Variants in PCDHA10 observed in about 807,000 individuals in gnomAD.
PCDHA10 encodes protocadherin alpha-10.
PCDHA10 carries 45 observed loss-of-function variants against 61.2 expected under a neutral mutation model. That is an observed-to-expected ratio of 0.74 (90% CI 0.58 to 0.94). The LOEUF (loss-of-function observed/expected upper bound fraction) is 0.94, where lower values mean the gene tolerates loss of function less well. PCDHA10 is among the 40% of genes least tolerant of loss of function. The probability of loss-of-function intolerance (pLI) is 0.00; values close to 1 mark genes in which losing one functional copy is unlikely to be tolerated. For missense variants in PCDHA10, 1,278 were observed against 1,236.2 expected (o/e 1.03, Z -0.51); for synonymous variants, 602 against 548.8 (o/e 1.10, Z -1.35).
chr5:140,938,698 T>C (rs1430283682), intron 1 of PCDHA10, among the ~76,000 whole-genome samples: 1 of 152,194 alleles, frequency 6.6e-6, no homozygotes, highest in East Asian at 1.9e-4. Context: ...TTTTTAAATA[T>C]ATGTTTATGA....
intron 1 of PCDHA10, among the ~76,000 whole-genome samples, chr5:140,913,111 T>C (rs2076211610): frequency 6.6e-6 from 1 of 152,194 alleles, no homozygotes; most frequent in Non-Finnish European, 1.5e-5. Context: ...TAGAATCAGT[T>C]TGGAAGTTAA....
At chr5:140,941,375 G>A (rs1441847516) in intron 1 of PCDHA10, among the ~76,000 whole-genome samples, 1 of 134,938 alleles carries the variant, frequency 7.4e-6, no homozygotes, top group Non-Finnish European at 1.5e-5. Context: ...GGAGTGTAGT[G>A]ACAGGATTTT....
chr5:140,935,157 A>G (rs982054485), intron 1 of PCDHA10, among the ~76,000 whole-genome samples: 1 of 152,214 alleles, frequency 6.6e-6, no homozygotes, highest in Non-Finnish European at 1.5e-5. Context: ...TATAATCTCA[A>G]CAACAGGTGT....
At chr5:140,884,169 C>A in intron 1 of PCDHA10, 2 of 1,613,426 alleles carry the variant, frequency 1.2e-6, no homozygotes, top group South Asian at 1.1e-5. Flanking sequence ...ATCAGCACGA[C>A]GCGCCCTCTG....
At chr5:140,893,763 TG>T (rs1554185760) in intron 1 of PCDHA10, among the ~76,000 whole-genome samples, 1 of 152,156 alleles carries the variant, frequency 6.6e-6, no homozygotes, top group African/African-American at 2.4e-5. Flanking sequence ...ATAGGTGACT[TG>T]TCACTTTTCT....
intron 1 of PCDHA10, chr5:140,967,672 C>T: frequency 1.2e-6 from 2 of 1,614,182 alleles, no homozygotes; most frequent in Non-Finnish European, 8.5e-7. Context: ...ACACGTCGGA[C>T]CGGGAGAGGC....
chr5:140,883,946 G>C lies in PCDHA10; in HGVS notation c.2388+25510G>C, dbSNP rs139225969. ...GCAGGTGTTCGTGCTGGACGAGAACGACAACGCTCCGGCGCTGCTGACGCC... is the reference window on the plus strand; with the variant it reads ...GCAGGTGTTCGTGCTGGACGAGAACCACAACGCTCCGGCGCTGCTGACGCC... On this transcript the variant is annotated intron_variant, in intron 1 of 3. Coordinates refer to ENST00000307360, the MANE Select transcript of PCDHA10 (RefSeq NM_018901.4). The C allele has an allele frequency of 4.8e-5, 77 of 1,613,392 alleles. No individual in the cohort carries two copies. In the African/African-American group the frequency reaches 8.8e-4, roughly 18 times the overall value.
In PCDHA10 at chr5:140,919,966, A is replaced by G. The variant is rs1472155046; in HGVS notation, c.2389-58983A>G. Among the ~76,000 whole-genome samples, 3 of 139,590 alleles carry G rather than the reference A, an allele frequency of 2.1e-5. No homozygotes were observed. The East Asian group carries it at 7.1e-4, about 33-fold the overall frequency. The allele number at this position is 139,590 out of a possible 152,430, so 91.6% of individuals were successfully genotyped here. On this transcript the variant is annotated intron_variant, in intron 1 of 3. Transcript: ENST00000307360. ...GTGAAAAGTTTGTTTTGTTTTTTAA[A>G]TAAGAGATAGAAGATGGAAAACAGA...
chr5:140,940,434 T>A (rs155816), intron 1 of PCDHA10, among the ~76,000 whole-genome samples: 48,246 of 152,056 alleles, frequency 0.32, 7,999 homozygotes, highest in East Asian at 0.53. Flanking sequence ...TGATCAAGTC[T>A]GCCATGATAT....
At position 140,946,316 on chromosome 5, in the gene PCDHA10, G is replaced by C. The variant is rs1293160526; in HGVS notation, c.2389-32633G>C. ...CACACCTGGTAGAATGGCTATTATTGAAAGAGGAAAGATAACAAGTGATGG... is the reference window on the plus strand; with the variant it reads ...CACACCTGGTAGAATGGCTATTATTCAAAGAGGAAAGATAACAAGTGATGG... On this transcript the variant is annotated intron_variant, in intron 1 of 3. Transcript: ENST00000307360. Among the ~76,000 whole-genome samples, 3 of 151,662 alleles carry C rather than the reference G, an allele frequency of 2.0e-5. No individual in the cohort carries two copies. In the East Asian group the frequency reaches 5.8e-4, roughly 29 times the overall value.
intron 1 of PCDHA10, among the ~76,000 whole-genome samples, chr5:140,903,475 A>C (rs1186809574): frequency 6.6e-6 from 1 of 152,220 alleles, no homozygotes; most frequent in African/African-American, 2.4e-5. Flanking sequence ...TATTCCTTGC[A>C]TTATAGTTCT....
chr5:140,995,674 A>G (rs1205485736), intron 3 of PCDHA10, among the ~76,000 whole-genome samples: 2 of 151,994 alleles, frequency 1.3e-5, no homozygotes, highest in East Asian at 3.9e-4. Flanking sequence ...TAAATGCAGC[A>G]TTTTTTTTAA....
At chr5:140,959,611 C>T (rs2095501064) in intron 1 of PCDHA10, among the ~76,000 whole-genome samples, 1 of 151,848 alleles carries the variant, frequency 6.6e-6, no homozygotes, top group Non-Finnish European at 1.5e-5. Context: ...GCTTTTCTTG[C>T]TTGTGATAGA....
chr5:140,941,211 CTTCCTTTCTTT>C (rs782043135), intron 1 of PCDHA10, among the ~76,000 whole-genome samples: 8,933 of 129,680 alleles, frequency 0.069, 349 homozygotes, highest in Non-Finnish European at 0.093. Flanking sequence ...TCCTTTCTTT[CTTCCTTTCTTT>C]CTTTCTTTCT....
At chr5:140,928,307 C>T in intron 1 of PCDHA10, 1 of 1,614,150 alleles carries the variant, frequency 6.2e-7, no homozygotes, top group Non-Finnish European at 8.5e-7. Context: ...GCCCAGGACC[C>T]CGACCTGGGG....
chr5:140,882,583 C>A, intron 1 of PCDHA10: 1 of 1,614,232 alleles, frequency 6.2e-7, no homozygotes, highest in Non-Finnish European at 8.5e-7. Flanking sequence ...GCAGCATCCA[C>A]CTGGAGGTGA....
intron 1 of PCDHA10, among the ~76,000 whole-genome samples, chr5:140,908,899 C>CT (rs1382483322): frequency 6.6e-6 from 1 of 152,194 alleles, no homozygotes; most frequent in Non-Finnish European, 1.5e-5. Flanking sequence ...AAATAAGCCT[C>CT]TTTCGTGGTT....
At chr5:140,995,488 C>T (rs1402273935) in intron 3 of PCDHA10, among the ~76,000 whole-genome samples, 26 of 152,182 alleles carry the variant, frequency 1.7e-4, no homozygotes, top group Admixed American at 1.6e-3. Context: ...TATTTTCAGA[C>T]TAAGGTTGAC....
chr5:141,005,821 C>T (rs557161446), intron 3 of PCDHA10, among the ~76,000 whole-genome samples: 1 of 150,884 alleles, frequency 6.6e-6, no homozygotes, highest in African/African-American at 2.4e-5. Context: ...GGTATGGTGG[C>T]CTGTAGTCCC....
Sources: gnomAD v4.1 joint callset for allele counts (sites outside exome capture counted in the v4.1 genomes callset) on GRCh38, gnomAD v4.1.1 for gene constraint, MANE v1.5 for transcripts, NCBI Gene and HGNC (gene_info 2026-07-23, HGNC 2026-07-21) for gene names.